TMTC2: variants seen among roughly 807,000 people sequenced by gnomAD.
TMTC2 encodes the protein transmembrane O-mannosyltransferase targeting cadherins 2.
Under a neutral mutation model 82.4 loss-of-function variants are expected in TMTC2, and 43 were observed. The observed-to-expected ratio is 0.52, with a 90% CI of 0.41 to 0.67. The LOEUF is 0.67. Among genes scored for constraint, TMTC2 ranks in the 30% least tolerant of loss-of-function variants. The probability of loss-of-function intolerance (pLI) is 0.00; values close to 1 mark genes in which losing one functional copy is unlikely to be tolerated. For synonymous variants in TMTC2, 408 were observed against 381.9 expected, an observed-to-expected ratio of 1.07 and a Z score of -0.80; for missense variants, 919 against 1,012.4, an observed-to-expected ratio of 0.91 and a Z score of 1.25.
intron 4 of TMTC2, among the ~76,000 whole-genome samples, chr12:82,941,305 C>T (rs1876706001): frequency 6.6e-6 from 1 of 152,144 alleles, no homozygotes; most frequent in Admixed American, 6.5e-5. Flanking sequence ...GACACCACAC[C>T]TGGCTCAGTG....
intron 1 of TMTC2, among the ~76,000 whole-genome samples, chr12:82,839,359 A>T (rs990056264): frequency 6.6e-6 from 1 of 152,170 alleles, no homozygotes; most frequent in Admixed American, 6.5e-5. Context: ...AGTAAAGTGC[A>T]TGACATTCCC....
At chr12:83,037,882 CTTT>C (rs1881725991) in intron 9 of TMTC2, among the ~76,000 whole-genome samples, 2 of 151,876 alleles carry the variant, frequency 1.3e-5, no homozygotes, top group South Asian at 4.2e-4. Context: ...AGAATAATTT[CTTT>C]AAAGGCAAAA....
chr12:82,836,089 A>G (rs920313749), intron 1 of TMTC2, among the ~76,000 whole-genome samples: 18 of 152,240 alleles, frequency 1.2e-4, no homozygotes, highest in African/African-American at 3.4e-4. Flanking sequence ...ATTTTTATTT[A>G]CTTATATGCA....
chr12:82,800,044 G>A (rs1480904691), intron 1 of TMTC2, among the ~76,000 whole-genome samples: 1 of 152,102 alleles, frequency 6.6e-6, no homozygotes, highest in African/African-American at 2.4e-5. Flanking sequence ...GTATGAAGCA[G>A]AGAGGTTTAG....
rs1875969187 is a variant in TMTC2, at chr12:82,930,493, T to C, written c.1546T>C (p.Tyr516His). The change falls in exon 4 of 12, where the codon TAT becomes CAT. Residue 516 changes from tyrosine (Y) to histidine (H), a missense_variant. Coordinates refer to ENST00000321196, the MANE Select transcript of TMTC2 (RefSeq NM_152588.3). ...CAAAATTTCTGAAGCTGAAAGCGCCTATAGAAATGCTTTGTACTACCGCAG... is the reference window on the plus strand; with the variant it reads ...CAAAATTTCTGAAGCTGAAAGCGCCCATAGAAATGCTTTGTACTACCGCAG... ...QSKISEAESA[Y>H]RNALYYRSNM... 2 of 1,605,412 alleles carry C rather than the reference T, an allele frequency of 1.2e-6. No individual in the cohort carries two copies. The highest frequency in any genetic ancestry group is 1.7e-6 in the Non-Finnish European group (2 of 1,173,396).
At chr12:82,727,459 T>C (rs557818390) in intron 1 of TMTC2, among the ~76,000 whole-genome samples, 5 of 152,166 alleles carry the variant, frequency 3.3e-5, no homozygotes, top group Non-Finnish European at 7.4e-5. Context: ...ATTTTCTGTT[T>C]TTTTAAGGCT....
rs1225760344 is a variant in TMTC2, at chr12:82,899,679, A to AAT, written c.1483+3045_1483+3046dup. On this transcript the variant is annotated intron_variant, in intron 3 of 11. Coordinates refer to ENST00000321196, the MANE Select transcript of TMTC2 (RefSeq NM_152588.3). ...TATATATATAAGAATATATATGTGG[A>AAT]ATATATATATATAAGAAAATATATA... Among the ~76,000 whole-genome samples, 116 of 140,762 alleles carry AAT rather than the reference A, an allele frequency of 8.2e-4. No individual in the cohort carries two copies. The South Asian group carries it at 0.012, about 14-fold the overall frequency. 92.3% of individuals were successfully genotyped at this position (140,762 alleles called of 152,430 possible).
chr12:82,965,651 T>C lies in TMTC2; in HGVS notation c.1776T>C (p.Asp592=). 6.2e-7 allele frequency: 1 copy of C among 1,613,826 alleles called. No individual in the cohort carries two copies. The highest frequency in any genetic ancestry group is 8.5e-7 in the Non-Finnish European group (1 of 1,179,790). Residue 592 remains aspartate, a synonymous_variant, in exon 6 of 12, where the codon GAT becomes GAC. Coordinates refer to ENST00000321196, the MANE Select transcript of TMTC2 (RefSeq NM_152588.3). ...RTFLKCSEIP[D]ENLKDPHAHK... ...TCTTAAAGTGTTCGGAGATCCCAGA[T>C]GAAAACCTAAAGGACCCTCATGCAC...
At chr12:82,836,839 A>G (rs1040502763) in intron 1 of TMTC2, among the ~76,000 whole-genome samples, 26 of 151,966 alleles carry the variant, frequency 1.7e-4, no homozygotes, top group African/African-American at 6.0e-4. Context: ...AAAAAAAAAC[A>G]AAAGACAATT....
intron 4 of TMTC2, among the ~76,000 whole-genome samples, chr12:82,961,785 A>G (rs1877950175): frequency 1.3e-5 from 2 of 151,936 alleles, no homozygotes; most frequent in Non-Finnish European, 2.9e-5. Context: ...TTTCTACACC[A>G]TTTGTTTTCT....
chr12:83,093,346 G>A (rs1029308309), intron 11 of TMTC2, among the ~76,000 whole-genome samples: 9 of 152,130 alleles, frequency 5.9e-5, no homozygotes, highest in Non-Finnish European at 1.3e-4. Context: ...AAAGAACAAA[G>A]TGAGGGAGAA....
At chr12:83,095,542 G>T (rs1884002172) in intron 11 of TMTC2, among the ~76,000 whole-genome samples, 1 of 152,092 alleles carries the variant, frequency 6.6e-6, no homozygotes, top group African/African-American at 2.4e-5. Flanking sequence ...AAAATTTTAT[G>T]TTTTTTGGCC....
chr12:82,846,861 C>G (rs1178477889), intron 1 of TMTC2, among the ~76,000 whole-genome samples: 1 of 152,044 alleles, frequency 6.6e-6, no homozygotes, highest in Middle Eastern at 3.2e-3. Context: ...GTTTTACAAT[C>G]TAGTAGGAAG....
intron 3 of TMTC2, among the ~76,000 whole-genome samples, chr12:82,920,460 G>C (rs189825592): frequency 6.6e-6 from 1 of 152,242 alleles, no homozygotes; most frequent in Admixed American, 6.5e-5. Context: ...TTGTTCTTCT[G>C]CCTTTCAAAG....
chr12:82,857,540 A>G lies in TMTC2; in HGVS notation c.614A>G (p.His205Arg), dbSNP rs1244456643. The change falls in exon 2 of 12, where the codon CAC becomes CGC. Residue 205 changes from histidine to arginine, a missense_variant. His to Arg is a conservative substitution (Grantham distance 29). Coordinates refer to ENST00000321196, the MANE Select transcript of TMTC2 (RefSeq NM_152588.3). ...GCAGTTTATGATGTCTTTGTCTTTC[A>G]CAGGCTGAAAATAAAACAGATATTA... ...VSAVYDVFVF[H>R]RLKIKQILPT... 2 of 1,612,650 alleles carry G rather than the reference A, an allele frequency of 1.2e-6. No homozygotes were observed. The highest frequency in any genetic ancestry group is 2.7e-5 in the African/African-American group (2 of 74,880).
intron 11 of TMTC2, among the ~76,000 whole-genome samples, chr12:83,130,277 G>A (rs972285674): frequency 2.0e-5 from 3 of 152,176 alleles, no homozygotes; most frequent in African/African-American, 7.2e-5. Context: ...AAATGTGTCC[G>A]AGCTGCAAGG....
At chr12:82,721,476 A>G (rs1327641296) in intron 1 of TMTC2, among the ~76,000 whole-genome samples, 2 of 152,352 alleles carry the variant, frequency 1.3e-5, no homozygotes, top group African/African-American at 4.8e-5. Flanking sequence ...AAATTAAAAA[A>G]TAAAACTAGA....
chr12:83,029,318 T>C (rs1030935869), intron 8 of TMTC2, among the ~76,000 whole-genome samples: 1 of 152,062 alleles, frequency 6.6e-6, no homozygotes, highest in Non-Finnish European at 1.5e-5. Context: ...CAGTTATGCA[T>C]GAACCTTTTT....
intron 3 of TMTC2, among the ~76,000 whole-genome samples, chr12:82,903,958 A>G (rs1486539917): frequency 5.3e-5 from 8 of 152,312 alleles, no homozygotes; most frequent in Middle Eastern, 3.4e-3. Flanking sequence ...AATCGGGAGT[A>G]GAGTTAGTTT....
Sources: gnomAD v4.1 joint callset for allele counts (sites outside exome capture counted in the v4.1 genomes callset) on GRCh38, gnomAD v4.1.1 for gene constraint, MANE v1.5 for transcripts, NCBI Gene and HGNC (gene_info 2026-07-23, HGNC 2026-07-21) for gene names.